The following DYNC2H1 variants were observed in gnomAD, a reference collection of about 807,000 sequenced individuals.
The protein encoded by DYNC2H1 is cytoplasmic dynein 2 heavy chain 1.
A neutral mutation model predicts 570.0 loss-of-function variants in DYNC2H1; 410 were observed. The ratio of observed to expected loss-of-function variants is 0.72; its 90% CI spans 0.66 to 0.78. DYNC2H1 has a LOEUF of 0.78. DYNC2H1 is among the 30% of genes least tolerant of loss of function. The pLI is 0.00. For synonymous variants in DYNC2H1, 1,688 were observed against 1,677.6 expected (o/e 1.01, Z -0.15); for missense variants, 4,865 against 5,046.4 (o/e 0.96, Z 1.09).
intron 12 of DYNC2H1, among the ~76,000 whole-genome samples, chr11:103,125,643 G>C (rs1365120558): frequency 1.3e-5 from 2 of 152,134 alleles, no homozygotes; most frequent in Non-Finnish European, 2.9e-5. Flanking sequence ...TTATCAGGTT[G>C]ATGAATGGTT....
chr11:103,211,878 C>A lies in DYNC2H1; in HGVS notation c.8629C>A (p.His2877Asn). The stretch of plus-strand genomic sequence containing the variant: ...ACCAAGCCGATACATGACCTTTTTA[C>A]ATGTGTATTCTGCCATTAGTAGTAG... The part of the protein sequence containing the change: ...ATPSRYMTFL[H>N]VYSAISSSKK... Residue 2877 changes from histidine to asparagine, a missense_variant, in exon 54 of 89, where the codon CAT (histidine) becomes AAT (asparagine). Around this residue, in one of 5 missense-constraint regions of DYNC2H1, gnomAD observed 2,401 missense variants for 2,454.6 expected, o/e 0.98. Coordinates refer to ENST00000375735, the MANE Select transcript of DYNC2H1 (RefSeq NM_001377.3). 2 of 1,534,722 alleles carry A rather than the reference C, an allele frequency of 1.3e-6. No individual in the cohort carries two copies. Among genetic ancestry groups the A allele is most frequent in the Non-Finnish European group, 1.8e-6 (2 of 1,137,446 alleles).
In DYNC2H1 at chr11:103,113,665, T is replaced by G. The variant is rs751970677; in HGVS notation, c.324T>G (p.Leu108=). Residue 108 remains leucine (L), a synonymous_variant, in exon 2 of 89, where the codon CTT becomes CTG. Transcript: ENST00000375735. ...SSMLESPISS[L]YQAVRQVFAP... The stretch of plus-strand genomic sequence containing the variant: ...TGTTAGAGTCACCTATTAGTTCTCT[T>G]TACCAAGCAGTACGGCAAGTATTCG... The G allele has an allele frequency of 6.4e-7, 1 of 1,570,082 alleles. No homozygotes were observed. Among genetic ancestry groups the G allele is most frequent in the South Asian group, 1.3e-5 (1 of 79,752 alleles).
At chr11:103,374,932 A>T (rs922432071) in intron 83 of DYNC2H1, among the ~76,000 whole-genome samples, 2 of 152,194 alleles carry the variant, frequency 1.3e-5, no homozygotes, top group Admixed American at 6.5e-5. Context: ...TTGCCAAGAC[A>T]ATGGGGAAAA....
intron 82 of DYNC2H1, among the ~76,000 whole-genome samples, chr11:103,351,055 G>C (rs936474643): frequency 6.6e-6 from 1 of 152,118 alleles, no homozygotes; most frequent in African/African-American, 2.4e-5. Flanking sequence ...TTAGTGACTT[G>C]AAGTAATAAT....
intron 85 of DYNC2H1, among the ~76,000 whole-genome samples, chr11:103,440,349 T>TTTAATTTTAATTTTA (rs1944222111): frequency 1.3e-5 from 2 of 152,156 alleles, no homozygotes; most frequent in Non-Finnish European, 2.9e-5. Flanking sequence ...CATTAATACT[T>TTTAATTTTAATTTTA]ACAGTTCATT....
intron 69 of DYNC2H1, 147 bp downstream of exon 69, chr11:103,257,898 A>T (rs1299165133): frequency 1.2e-6 from 1 of 852,536 alleles, no homozygotes; most frequent in Non-Finnish European, 1.6e-6. Context: ...AAGCTATATA[A>T]AGAAACTACT....
chr11:103,422,264 AAAG>A (rs1342557457), intron 84 of DYNC2H1, among the ~76,000 whole-genome samples: 1 of 152,220 alleles, frequency 6.6e-6, no homozygotes, highest in East Asian at 1.9e-4. Flanking sequence ...CCAGAGGTAC[AAAG>A]AAGAGCTGGT....
rs2566951 is a variant in DYNC2H1, at chr11:103,373,913, G to A, written c.12156+15554G>A. 3.9e-5 allele frequency among the ~76,000 whole-genome samples: 6 copies of A among 151,988 alleles called. No homozygotes were observed. In the East Asian group the frequency reaches 7.7e-4, roughly 20 times the overall value. ...ACAGTTGCTACATCCTCTTTTTGAAGTTACTCCTTTAGCGTTAATATAATG... is the reference window on the plus strand; with the variant it reads ...ACAGTTGCTACATCCTCTTTTTGAAATTACTCCTTTAGCGTTAATATAATG... On this transcript the variant is annotated intron_variant, in intron 83 of 88. Transcript: ENST00000375735.
intron 88 of DYNC2H1, among the ~76,000 whole-genome samples, chr11:103,477,763 G>A (rs1006684425): frequency 2.8e-5 from 4 of 142,452 alleles, no homozygotes; most frequent in Non-Finnish European, 4.5e-5. Flanking sequence ...CCCGGGAGGT[G>A]GAGCTTGCAG....
rs79265804 is a variant in DYNC2H1 at position 103,469,490 on chromosome 11, C to T, written c.12765+785C>T. Among the ~76,000 whole-genome samples, 5 of 152,238 alleles carry T rather than the reference C, an allele frequency of 3.3e-5. No individual in the cohort carries two copies. The East Asian group carries it at 7.7e-4, about 23-fold the overall frequency. On this transcript the variant is annotated intron_variant, in intron 88 of 88. Coordinates refer to ENST00000375735, the MANE Select transcript of DYNC2H1 (RefSeq NM_001377.3). ...TCACTACAAGAAAAATGAGCTTTCTCATTGGGAAATAATGCATTGAATTTT... is the reference window on the plus strand; with the variant it reads ...TCACTACAAGAAAAATGAGCTTTCTTATTGGGAAATAATGCATTGAATTTT...
chr11:103,296,348 T>C (rs1866825373), intron 75 of DYNC2H1, among the ~76,000 whole-genome samples: 1 of 152,210 alleles, frequency 6.6e-6, no homozygotes, highest in South Asian at 2.1e-4. Flanking sequence ...CTGGTGTCCA[T>C]GTTTGGAAAT....
chr11:103,303,036 A>C (rs1438358424), intron 75 of DYNC2H1, 57 bp from the exon 76 acceptor site: 1 of 1,260,520 alleles, frequency 7.9e-7, no homozygotes, highest in Non-Finnish European at 1.0e-6. Flanking sequence ...TAGATTTAAT[A>C]AACTTTTTAA....
chr11:103,121,344 A>G (rs1858697360), intron 9 of DYNC2H1, 28 bp from the exon 10 acceptor site: 1 of 1,560,184 alleles, frequency 6.4e-7, no homozygotes, highest in Admixed American at 1.9e-5. Context: ...AATTCTTTGT[A>G]ATCATTTATT....
intron 85 of DYNC2H1, among the ~76,000 whole-genome samples, chr11:103,443,471 G>T (rs1035116349): frequency 9.2e-5 from 14 of 151,794 alleles, no homozygotes; most frequent in Non-Finnish European, 2.1e-4. Context: ...AGACTATTGA[G>T]TGTTTGGCTT....
chr11:103,324,822 C>T lies in DYNC2H1; in HGVS notation c.12039+832C>T, dbSNP rs1938387549. Among the ~76,000 whole-genome samples the T allele has an allele frequency of 6.6e-6, 1 of 152,174 alleles. No individual in the cohort carries two copies. The highest frequency in any genetic ancestry group is 1.5e-5 in the Non-Finnish European group (1 of 68,028). ...CACAATGGTTGATCTAATTTGCATT[C>T]CCACCAGTGGTGTGTAAGCATTCCC... On this transcript the variant is annotated intron_variant, in intron 82 of 88. Coordinates refer to ENST00000375735, the MANE Select transcript of DYNC2H1 (RefSeq NM_001377.3). The surrounding 1 kb of genome is among the most constrained non-coding windows in gnomAD (Gnocchi z 5.2).
Position 103,129,729 on chromosome 11 carries a change from A to G in DYNC2H1, c.1953+724A>G, listed in dbSNP as rs1859177616. On this transcript the variant is annotated intron_variant, in intron 13 of 88. Coordinates refer to ENST00000375735, the MANE Select transcript of DYNC2H1 (RefSeq NM_001377.3). This position sits in a 1 kb window ranked among gnomAD's most constrained non-coding sequence, Gnocchi z 4.1. ...GAAAAAGAAATTAGGAAAACCCATA[A>G]TAGCGTTTAAACTGAATGTTACTAT... 6.6e-6 allele frequency among the ~76,000 whole-genome samples: 1 copy of G among 152,144 alleles called. No individual in the cohort carries two copies. The highest frequency in any genetic ancestry group is 1.9e-4 in the East Asian group (1 of 5,194).
At position 103,312,509 on chromosome 11, in the gene DYNC2H1, T is replaced by C. The variant is rs542559749; in HGVS notation, c.11649+476T>C. 2.4e-5 allele frequency among the ~76,000 whole-genome samples: 3 copies of C among 124,810 alleles called. No individual in the cohort carries two copies. In the South Asian group the frequency reaches 7.8e-4, roughly 32 times the overall value. 81.9% of individuals were successfully genotyped at this position (124,810 alleles called of 152,430 possible). Reference sequence around the variant, plus strand: ...GTGAGCCGAGATCACGCCATTGCATTCCAGCCTGGGTGACAGAAAGAGACT... The same window carrying C: ...GTGAGCCGAGATCACGCCATTGCATCCCAGCCTGGGTGACAGAAAGAGACT... On this transcript the variant is annotated intron_variant, in intron 79 of 88. Transcript: ENST00000375735.
chr11:103,198,775 TG>T (rs150278792), intron 48 of DYNC2H1, among the ~76,000 whole-genome samples: 7,532 of 152,232 alleles, frequency 0.049, 250 homozygotes, highest in Non-Finnish European at 0.071. Flanking sequence ...TGGCAGAGCA[TG>T]GTACCTGTGT....
intron 73 of DYNC2H1, 48 bp downstream of exon 73, chr11:103,283,133 C>A: frequency 6.8e-7 from 1 of 1,461,494 alleles, no homozygotes; most frequent in Non-Finnish European, 9.5e-7. Flanking sequence ...TCTGTATTTG[C>A]ATTGTTTCTG....
Sources: allele counts gnomAD v4.1 joint callset (sites outside exome capture counted in the v4.1 genomes callset), GRCh38; gene constraint gnomAD v4.1.1; regional missense constraint gnomAD v4.1.1; non-coding constraint Gnocchi (gnomAD v3.1); transcripts MANE v1.5; gene names NCBI Gene and HGNC (gene_info 2026-07-23, HGNC 2026-07-21).